The following PLEKHA4 variants were observed in gnomAD, a reference collection of about 807,000 sequenced individuals.
PLEKHA4 encodes pleckstrin homology domain containing A4.
In PLEKHA4, 73 loss-of-function variants were observed where a neutral mutation model predicts 94.7. That is an observed-to-expected ratio of 0.77 (90% CI 0.64 to 0.94). The LOEUF (loss-of-function observed/expected upper bound fraction) is 0.94, where lower values mean the gene tolerates loss of function less well. Ranked by LOEUF, PLEKHA4 falls within the 40% of genes least tolerant of loss-of-function variation. PLEKHA4 has a pLI of 0.00. For missense variants in PLEKHA4, 1,049 were observed against 1,054.1 expected (o/e 1.00, Z 0.07); for synonymous variants, 449 against 437.1 (o/e 1.03, Z -0.34).
At chr19:48,863,049 A>AACT (rs1469228548) in intron 3 of PLEKHA4, among the ~76,000 whole-genome samples, 2 of 152,036 alleles carry the variant, frequency 1.3e-5, no homozygotes, top group Non-Finnish European at 2.9e-5. Flanking sequence ...CACCTGCCTG[A>AACT]ACTACTCATC....
rs139899958 is a variant in PLEKHA4 at position 48,853,792 on chromosome 19, G to C, written c.1216C>G (p.Leu406Val). ...EAALELTRQQ[L>V]GQATREAGAP... ...CCAGCCTCCCTGGTGGCTTGGCCCA[G>C]CTGTTGCCGGGTCAACTCCAGAGCT... is the stretch of plus-strand genomic sequence containing the variant. Residue 406 changes from leucine to valine, a missense_variant, in exon 12 of 20, where the codon CTG becomes GTG. By Grantham distance (32) the Leu-to-Val change is conservative (BLOSUM62 1). Transcript: ENST00000263265. The C allele has an allele frequency of 9.9e-6, 16 of 1,613,104 alleles. No individual in the cohort carries two copies. The highest frequency in any genetic ancestry group is 1.6e-4 in the Middle Eastern group (1 of 6,080).
In PLEKHA4 at chr19:48,859,470, C is replaced by G; in HGVS notation, c.691G>C (p.Asp231His). ...CACAACCATGTCCTCCCTACTCACT[C>G]GGGGCTCCTCGCCCTCCGCATCTGG... ...GLQMRRARSPDLFTPLSRPPS... is the reference protein window; with the variant it reads ...GLQMRRARSPHLFTPLSRPPS... The change falls in exon 7 of 20, where the codon GAC becomes CAC. Residue 231 changes from aspartate (D) to histidine (H), a missense_variant and splice_region_variant. By Grantham distance (81) the Asp-to-His change is moderately conservative. Coordinates refer to ENST00000263265, the MANE Select transcript of PLEKHA4 (RefSeq NM_020904.3). 1 of 1,613,734 alleles carries G rather than the reference C, an allele frequency of 6.2e-7. No individual in the cohort carries two copies. The highest frequency in any genetic ancestry group is 8.5e-7 in the Non-Finnish European group (1 of 1,179,972).
intron 14 of PLEKHA4, among the ~76,000 whole-genome samples, chr19:48,847,617 A>G (rs1177727423): frequency 6.6e-6 from 1 of 152,168 alleles, no homozygotes; most frequent in Non-Finnish European, 1.5e-5. Flanking sequence ...CTGTAATCAC[A>G]GCTACTTCGG....
At position 48,837,795 on chromosome 19, in the gene PLEKHA4, T is replaced by C. The variant is rs1025959674; in HGVS notation, c.2077+222A>G. On this transcript the variant is annotated intron_variant, in intron 19 of 19. Coordinates refer to ENST00000263265, the MANE Select transcript of PLEKHA4 (RefSeq NM_020904.3). This position sits in a 1 kb window ranked among gnomAD's most constrained non-coding sequence, Gnocchi z 4.3. ...CTCTTTGAGACTCAGTTGTCGGCCC[T>C]CTCCCCGCCCCCTGACCTCTTCCTC... is the stretch of plus-strand genomic sequence containing the variant. 6.8e-6 allele frequency among the ~76,000 whole-genome samples: 1 copy of C among 147,384 alleles called. No homozygotes were observed. The highest frequency in any genetic ancestry group is 2.5e-5 in the African/African-American group (1 of 39,402).
intron 13 of PLEKHA4, 143 bp from the exon 14 acceptor site, chr19:48,848,183 T>C: frequency 9.8e-7 from 1 of 1,021,596 alleles, no homozygotes; most frequent in Non-Finnish European, 1.4e-6. Context: ...GGTTATCCAG[T>C]TGAATTGAAA....
intron 4 of PLEKHA4, 35 bp downstream of exon 4, chr19:48,861,585 C>A: frequency 1.2e-6 from 2 of 1,612,174 alleles, no homozygotes; most frequent in Non-Finnish European, 8.5e-7. Context: ...GGCGGGGGGG[C>A]CCTCCCACCC....
rs546758834 is a variant in PLEKHA4 at position 48,861,595 on chromosome 19, C to A, written c.265+25G>T. The A allele has an allele frequency of 3.4e-4, 541 of 1,613,604 alleles. 9 individuals carry two copies. The South Asian group carries it at 5.3e-3, about 16-fold the overall frequency. On this transcript the variant is annotated intron_variant, in intron 4 of 19. Coordinates refer to ENST00000263265, the MANE Select transcript of PLEKHA4 (RefSeq NM_020904.3). Reference sequence around the variant, plus strand: ...GACTGGGCGGGGGGGCCCTCCCACCCCAAGCCAGCCAGCCAGCCACTGACC... The same window carrying A: ...GACTGGGCGGGGGGGCCCTCCCACCACAAGCCAGCCAGCCAGCCACTGACC...
intron 3 of PLEKHA4, among the ~76,000 whole-genome samples, chr19:48,865,062 G>C (rs2123184381): frequency 1.3e-5 from 2 of 152,274 alleles, no homozygotes; most frequent in Middle Eastern, 3.4e-3. Flanking sequence ...TGAATGAATG[G>C]GCCAGGCACG....
chr19:48,840,665 T>A (rs1429790575), intron 17 of PLEKHA4, among the ~76,000 whole-genome samples: 1 of 151,954 alleles, frequency 6.6e-6, no homozygotes, highest in Non-Finnish European at 1.5e-5. Context: ...CCTCAGGTGA[T>A]CCGCCCTCCT....
Position 48,847,999 on chromosome 19 carries a change from G to C in PLEKHA4, c.1467C>G (p.Asp489Glu). 6.2e-7 allele frequency: 1 copy of C among 1,613,708 alleles called. No homozygotes were observed. Among genetic ancestry groups the C allele is most frequent in the Non-Finnish European group, 8.5e-7 (1 of 1,179,928 alleles). ...SAQQQLWMVE[D>E]TLAGLGGPQK... ...GGGGGCCACCCAGACCTGCCAGCGT[G>C]TCTTCCACCATCCACAGCTGCTGCT... Residue 489 changes from aspartate (D) to glutamate (E), a missense_variant, in exon 14 of 20, where the codon GAC becomes GAG. By Grantham distance (45) the Asp-to-Glu change is conservative (BLOSUM62 2). Transcript: ENST00000263265.
Position 48,867,764 on chromosome 19 carries a change from T to C in PLEKHA4, c.-6-138A>G. The C allele has an allele frequency of 1.2e-6, 1 of 809,376 alleles. No individual in the cohort carries two copies. The highest frequency in any genetic ancestry group is 2.0e-6 in the Non-Finnish European group (1 of 507,384). 50.1% of individuals were successfully genotyped at this position (809,376 alleles called of 1,614,324 possible). A position where few individuals can be genotyped will look rare whatever the true frequency, so the allele number is the denominator to read the frequency against. On this transcript the variant is annotated intron_variant, in intron 1 of 19. Coordinates refer to ENST00000263265, the MANE Select transcript of PLEKHA4 (RefSeq NM_020904.3). The surrounding 1 kb of genome is among the most constrained non-coding windows in gnomAD (Gnocchi z 4.7). ...GGACTTGGGGGGCTGGGGGAGGCCA[T>C]GGCCCGTGACCACATACCAAGAGTG...
rs112362265 is a variant in PLEKHA4 at position 48,860,353 on chromosome 19, T to A, written c.473A>T (p.Asp158Val). 1.2e-6 allele frequency: 2 copies of A among 1,612,424 alleles called. No individual in the cohort carries two copies. The highest frequency in any genetic ancestry group is 4.5e-5 in the East Asian group (2 of 44,886). ...CATGGCTTGGACCTCTACTCACTAG[T>A]CGTCCCCCTCCGCACGGGAGGCCCG... ...LGRASRAEGD[D>V]YGQPRSPARP... is the part of the protein sequence containing the mutation. Residue 158 changes from aspartate (D) to valine (V), a missense_variant, in exon 6 of 20, where the codon GAC (aspartate) becomes GTC (valine). By Grantham distance (152) the Asp-to-Val change is radical (BLOSUM62 -3). Coordinates refer to ENST00000263265, the MANE Select transcript of PLEKHA4 (RefSeq NM_020904.3).
chr19:48,851,203 AG>A (rs1372821583), intron 13 of PLEKHA4, among the ~76,000 whole-genome samples: 1 of 152,200 alleles, frequency 6.6e-6, no homozygotes, highest in Non-Finnish European at 1.5e-5. Context: ...TAAATGCTTG[AG>A]GGGATGGACA....
intron 6 of PLEKHA4, chr19:48,859,925 C>T: frequency 1.7e-6 from 1 of 585,840 alleles, no homozygotes; most frequent in East Asian, 2.9e-5. Flanking sequence ...TAGACTCAGC[C>T]AGGTAGTCCA....
At position 48,861,706 on chromosome 19, in the gene PLEKHA4, T is replaced by C. The variant is rs1416672883; in HGVS notation, c.193-14A>G. 2 of 1,609,162 alleles carry C rather than the reference T, an allele frequency of 1.2e-6. No homozygotes were observed. Among genetic ancestry groups the C allele is most frequent in the Non-Finnish European group, 1.7e-6 (2 of 1,176,350 alleles). Reference sequence around the variant, plus strand: ...CCCCGAGCTGTCCTGGGGAGAGAGATGGGAGGAGGGGCCTGAGTAAAGGGA... The same window carrying C: ...CCCCGAGCTGTCCTGGGGAGAGAGACGGGAGGAGGGGCCTGAGTAAAGGGA... On this transcript the variant is annotated splice_polypyrimidine_tract_variant and intron_variant, in intron 3 of 19. Transcript: ENST00000263265.
In PLEKHA4 at chr19:48,859,527, G is replaced by A; in HGVS notation, c.634C>T (p.Pro212Ser). 1 of 1,614,038 alleles carries A rather than the reference G, an allele frequency of 6.2e-7. No homozygotes were observed. Among genetic ancestry groups the A allele is most frequent in the African/African-American group, 1.3e-5 (1 of 75,040 alleles). ...GAGTGGAGGTCGGTTGTGGGGCTGG[G>A]AGTGAGCAGCCTGGGTCTACCACGA... Reference protein sequence around the residue: ...RGRGRPRLLTPSPTTDLHSGL... With the variant: ...RGRGRPRLLTSSPTTDLHSGL... Residue 212 changes from proline (P) to serine (S), a missense_variant, in exon 7 of 20, where the codon CCC becomes TCC. Transcript: ENST00000263265.
Position 48,857,404 on chromosome 19 carries a change from G to A in PLEKHA4, c.1047+18C>T, listed in dbSNP as rs767888927. 18 of 1,382,244 alleles carry A rather than the reference G, an allele frequency of 1.3e-5. No homozygotes were observed. The highest frequency in any genetic ancestry group is 1.7e-5 in the Non-Finnish European group (17 of 1,007,034). The allele number at this position is 1,382,244 out of a possible 1,614,324, so 85.6% of individuals were successfully genotyped here. A position where few individuals can be genotyped will look rare whatever the true frequency, so the allele number is the denominator to read the frequency against. On this transcript the variant is annotated intron_variant, in intron 9 of 19. Coordinates refer to ENST00000263265, the MANE Select transcript of PLEKHA4 (RefSeq NM_020904.3). ...GGGAGGGGGCTCCGGTAGATTTAGG[G>A]TACTCCAGGATACCTACCAATAAAA...
Position 48,837,471 on chromosome 19 carries a change from G to A in PLEKHA4, c.2158C>T (p.Pro720Ser), listed in dbSNP as rs1035735985. The A allele has an allele frequency of 6.2e-6, 10 of 1,613,204 alleles. No homozygotes were observed. Among genetic ancestry groups the A allele is most frequent in the African/African-American group, 5.3e-5 (4 of 74,994 alleles). Reference protein sequence around the residue: ...PSDPTRQETPPPRSPPVANSG... With the variant: ...PSDPTRQETPSPRSPPVANSG... ...TTAGCCACCGGGGGAGATCTGGGGGGAGGGGTCTCCTGGCGCGTGGGGTCC... is the reference window on the plus strand; with the variant it reads ...TTAGCCACCGGGGGAGATCTGGGGGAAGGGGTCTCCTGGCGCGTGGGGTCC... The change falls in exon 20 of 20, where the codon CCC becomes TCC. Residue 720 changes from proline to serine, a missense_variant. Pro to Ser is a moderately conservative substitution (Grantham distance 74, BLOSUM62 -1). Transcript: ENST00000263265. The surrounding 1 kb of genome is among the most constrained non-coding windows in gnomAD (Gnocchi z 4.3).
chr19:48,854,971 C>A (rs2036346968), intron 9 of PLEKHA4, among the ~76,000 whole-genome samples: 1 of 151,830 alleles, frequency 6.6e-6, no homozygotes, highest in Non-Finnish European at 1.5e-5. Context: ...CTCCTGAAGT[C>A]CTGGGATTAC....
Sources: gnomAD v4.1 joint callset for allele counts (sites outside exome capture counted in the v4.1 genomes callset) on GRCh38, gnomAD v4.1.1 for gene constraint, Gnocchi (gnomAD v3.1) non-coding constraint, MANE v1.5 for transcripts, NCBI Gene and HGNC (gene_info 2026-07-23, HGNC 2026-07-21) for gene names.